The following USP8 variants were observed in gnomAD, a reference collection of about 807,000 sequenced individuals.
USP8 encodes ubiquitin specific peptidase 8, also known as ubiquitin carboxyl-terminal hydrolase 8.
USP8 carries 27 observed loss-of-function variants against 130.0 expected under a neutral mutation model. The ratio of observed to expected loss-of-function variants is 0.21; its 90% confidence interval spans 0.15 to 0.29. USP8 has a LOEUF of 0.29. Ranked by LOEUF, USP8 falls within the 10% of genes least tolerant of loss-of-function variation. USP8 has a pLI of 1.00. For synonymous variants in USP8, 392 were observed against 444.1 expected (o/e 0.88, Z 1.48); for missense variants, 1,029 against 1,312.2 (o/e 0.78, Z 3.33).
chr15:50,457,617 C>T (rs1330477462), intron 4 of USP8, among the ~76,000 whole-genome samples: 1 of 141,744 alleles, frequency 7.1e-6, no homozygotes, highest in Non-Finnish European at 1.5e-5. Flanking sequence ...AATCCCAGCA[C>T]TTTGGAAGGC....
chr15:50,479,680 A>G (rs1238346991), intron 10 of USP8, among the ~76,000 whole-genome samples: 2 of 152,080 alleles, frequency 1.3e-5, no homozygotes, highest in Non-Finnish European at 2.9e-5. Context: ...AAAAAAAAAG[A>G]CAAAGGATTT....
In USP8 at chr15:50,506,281, A is replaced by G. The variant is rs765675439; in HGVS notation, c.*7193A>G. 1.3e-5 allele frequency: 2 copies of G among 152,320 alleles called. No homozygotes were observed. The highest frequency in any genetic ancestry group is 6.6e-5 in the Admixed American group (1 of 15,264). The allele number at this position is 152,320 out of a possible 1,614,324, so 9.4% of individuals were successfully genotyped here. A position where few individuals can be genotyped will look rare whatever the true frequency, so the allele number is the denominator to read the frequency against. ...GCTGCACAGCAGGAAGCGAGCGGCA[A>G]ACCTACCCTGAGCACCGCCTCCTGT... On this transcript the variant is annotated 3_prime_UTR_variant, in exon 20 of 20. Coordinates refer to ENST00000307179, the MANE Select transcript of USP8 (RefSeq NM_005154.5).
At chr15:50,438,661 G>A (rs1274662026) in intron 1 of USP8, among the ~76,000 whole-genome samples, 1 of 152,214 alleles carries the variant, frequency 6.6e-6, no homozygotes, top group East Asian at 1.9e-4. Context: ...AATATTTCTA[G>A]ATAAAAATTC....
At chr15:50,434,505 C>T (rs988063477) in intron 1 of USP8, among the ~76,000 whole-genome samples, 5 of 152,010 alleles carry the variant, frequency 3.3e-5, no homozygotes, top group African/African-American at 7.2e-5. Context: ...CAGGTTTACA[C>T]GTCTTAAGAA....
chr15:50,496,511 G>A (rs1323075905), intron 17 of USP8, among the ~76,000 whole-genome samples: 1 of 148,046 alleles, frequency 6.8e-6, no homozygotes, highest in East Asian at 2.0e-4. Context: ...CCTTTTATCA[G>A]TAAAACTCAA....
chr15:50,493,956 T>G (rs2052276456), intron 15 of USP8, 114 bp from the exon 16 acceptor site: 3 of 1,192,342 alleles, frequency 2.5e-6, no homozygotes, highest in Non-Finnish European at 3.7e-6. Flanking sequence ...ATAAGTAGTT[T>G]AATGTAGTGC....
intron 1 of USP8, among the ~76,000 whole-genome samples, chr15:50,436,801 C>G (rs1347986019): frequency 6.6e-6 from 1 of 152,130 alleles, no homozygotes; most frequent in Non-Finnish European, 1.5e-5. Context: ...TCCCAAGTAG[C>G]TGGGATTATA....
At chr15:50,459,892 T>TA (rs2050923082) in intron 5 of USP8, among the ~76,000 whole-genome samples, 1 of 152,102 alleles carries the variant, frequency 6.6e-6, no homozygotes, top group Non-Finnish European at 1.5e-5. Flanking sequence ...AAAGATTTAG[T>TA]ATACTACTTT....
rs373521204 is a variant in USP8, at chr15:50,463,726, G to A, written c.542-1321G>A. On this transcript the variant is annotated intron_variant, in intron 6 of 19. Coordinates refer to ENST00000307179, the MANE Select transcript of USP8 (RefSeq NM_005154.5). ...TGATGGCTAGAGATGGAAGGAGGAC[G>A]ATTGTTAGCAGCTATAGGTCTTTTA... Among the ~76,000 whole-genome samples, 20 of 152,242 alleles carry A rather than the reference G, an allele frequency of 1.3e-4. No individual in the cohort carries two copies. In the South Asian group the frequency reaches 3.7e-3, roughly 28 times the overall value.
At position 50,511,989 on chromosome 15, in the gene USP8, T is replaced by C. The variant is rs1006637941; in HGVS notation, c.*12901T>C. On this transcript the variant is annotated 3_prime_UTR_variant, in exon 20 of 20. Transcript: ENST00000307179. ...CTCCAGCCTGAGCAAGAGTGAGATA[T>C]TGTCTCAAAAAATAAAATAAATAAA... 6.6e-6 allele frequency: 1 copy of C among 151,200 alleles called. No homozygotes were observed. The highest frequency in any genetic ancestry group is 2.4e-5 in the African/African-American group (1 of 40,988). 9.4% of individuals were successfully genotyped at this position (151,200 alleles called of 1,614,324 possible).
At chr15:50,463,344 C>T (rs917182074) in intron 6 of USP8, 5 of 152,234 alleles carry the variant, frequency 3.3e-5, no homozygotes, top group African/African-American at 1.2e-4. Flanking sequence ...TCTTCATCTG[C>T]TAGAGACGTT....
chr15:50,447,502 A>T (rs879861011), intron 3 of USP8, among the ~76,000 whole-genome samples: 12 of 151,564 alleles, frequency 7.9e-5, no homozygotes, highest in Non-Finnish European at 1.3e-4. Context: ...CAGCCTCCCA[A>T]TGTGCTGGGA....
intron 1 of USP8, among the ~76,000 whole-genome samples, chr15:50,426,449 T>C (rs746658806): frequency 3.9e-5 from 6 of 152,236 alleles, no homozygotes; most frequent in Non-Finnish European, 7.3e-5. Flanking sequence ...CCTGTTTCTC[T>C]GGCCTGCCTG....
intron 2 of USP8, among the ~76,000 whole-genome samples, chr15:50,440,398 A>G (rs1393929602): frequency 6.6e-6 from 1 of 152,188 alleles, no homozygotes; most frequent in Non-Finnish European, 1.5e-5. Flanking sequence ...TGGAACCTAA[A>G]TAATGAAATT....
rs1376734167 is a variant in USP8 at position 50,511,608 on chromosome 15, T to C, written c.*12520T>C. Reference sequence around the variant, plus strand: ...GCAATAAAAAGGAATGAAGTACAGATACATGCTATGACATGAATGAAACTT... The same window carrying C: ...GCAATAAAAAGGAATGAAGTACAGACACATGCTATGACATGAATGAAACTT... On this transcript the variant is annotated 3_prime_UTR_variant, in exon 20 of 20. Transcript: ENST00000307179. 1 of 152,234 alleles carries C rather than the reference T, an allele frequency of 6.6e-6. No homozygotes were observed. The highest frequency in any genetic ancestry group is 2.4e-5 in the African/African-American group (1 of 41,462). The allele number at this position is 152,234 out of a possible 1,614,324, so 9.4% of individuals were successfully genotyped here.
chr15:50,466,716 G>A (rs181830569), intron 7 of USP8: 10 of 205,848 alleles, frequency 4.9e-5, no homozygotes, highest in South Asian at 1.7e-4. Flanking sequence ...GGAACCGGTC[G>A]GTCAGGAAGC....
At chr15:50,455,839 G>A (rs957320312) in intron 4 of USP8, among the ~76,000 whole-genome samples, 1 of 152,194 alleles carries the variant, frequency 6.6e-6, no homozygotes, top group Non-Finnish European at 1.5e-5. Context: ...CAGGTGTCAG[G>A]TGGCAATTTG....
At chr15:50,455,875 ACT>A (rs2050774151) in intron 4 of USP8, among the ~76,000 whole-genome samples, 1 of 152,106 alleles carries the variant, frequency 6.6e-6, no homozygotes, top group Non-Finnish European at 1.5e-5. Flanking sequence ...AGAATTTGGA[ACT>A]CTGGTTCTCT....
chr15:50,493,505 C>T (rs907523111), intron 15 of USP8: 1 of 518,312 alleles, frequency 1.9e-6, no homozygotes, highest in African/African-American at 1.9e-5. Context: ...GTAATCCTAG[C>T]ACTTTGGGAG....
Sources: allele counts gnomAD v4.1 joint callset (sites outside exome capture counted in the v4.1 genomes callset), GRCh38; gene constraint gnomAD v4.1.1; transcripts MANE v1.5; gene names NCBI Gene and HGNC (gene_info 2026-07-23, HGNC 2026-07-21).